MROH1: variants seen among roughly 807,000 people sequenced by gnomAD.
MROH1 encodes maestro heat like repeat family member 1, also known as maestro heat-like repeat-containing protein family member 1.
In MROH1, 117 loss-of-function variants were observed where a neutral mutation model predicts 116.5. That is an observed-to-expected ratio of 1.00 (90% confidence interval 0.86 to 1.17). The LOEUF (loss-of-function observed/expected upper bound fraction) is 1.17. Ranked by LOEUF, MROH1 falls within the 50% of genes most tolerant of loss-of-function variation. MROH1 has a pLI of 0.00. For synonymous variants in MROH1, 921 were observed against 583.9 expected (o/e 1.58, Z -8.32); for missense variants, 1,873 against 1,338.5 (o/e 1.40, Z -6.23).
chr8:144,197,848 C>A (rs11784336), intron 10 of MROH1, among the ~76,000 whole-genome samples: 1 of 149,120 alleles, frequency 6.7e-6, no homozygotes. Context: ...CCGAGGCGGG[C>A]GGATCACCTG....
intron 12 of MROH1, among the ~76,000 whole-genome samples, chr8:144,219,067 G>A (rs1836148896): frequency 6.6e-6 from 1 of 150,448 alleles, no homozygotes; most frequent in African/African-American, 2.4e-5. Flanking sequence ...CTGTCGCCCA[G>A]GCTGGAGTGC....
intron 3 of MROH1, among the ~76,000 whole-genome samples, chr8:144,166,338 C>T (rs1247490044): frequency 6.6e-6 from 1 of 152,148 alleles, no homozygotes; most frequent in Admixed American, 6.5e-5. Context: ...GTAGAGAGCA[C>T]AGATTTGCCC....
Position 144,250,282 on chromosome 8 carries a change from C to T in MROH1, c.3344C>T (p.Ala1115Val). 1 of 767,196 alleles carries T rather than the reference C, an allele frequency of 1.3e-6. No homozygotes were observed. The highest frequency in any genetic ancestry group is 2.4e-6 in the Non-Finnish European group (1 of 415,932). The allele number at this position is 767,196 out of a possible 1,614,324, so 47.5% of individuals were successfully genotyped here. ...CAGGGAGAGCACGTCCTGCCGGCCG[C>T]CCAGCACAGCGTGTACCTCCTGGCC... ...EAQGEHVLPA[A>V]QHSVYLLATQ... Residue 1115 changes from alanine to valine, a missense_variant, in exon 33 of 44, where the codon GCC becomes GTC. Ala to Val is a moderately conservative substitution (Grantham distance 64). Transcript: ENST00000326134.
At chr8:144,168,149 C>G (rs1225111672) in intron 3 of MROH1, 146 bp from the exon 4 acceptor site, 1 of 965,118 alleles carries the variant, frequency 1.0e-6, no homozygotes, top group African/African-American at 1.6e-5. Context: ...GGAGGTTATA[C>G]AAGAGAGAAA....
At chr8:144,176,616 C>T (rs377043876) in intron 4 of MROH1, among the ~76,000 whole-genome samples, 4 of 150,400 alleles carry the variant, frequency 2.7e-5, no homozygotes, top group East Asian at 3.9e-4. Context: ...CTGAGGCAAG[C>T]GGATCACAAG....
At chr8:144,205,169 C>T (rs1479278736) in intron 12 of MROH1, among the ~76,000 whole-genome samples, 3 of 152,142 alleles carry the variant, frequency 2.0e-5, no homozygotes, top group Admixed American at 2.0e-4. Flanking sequence ...GGATTACAGG[C>T]GTGAGCCATT....
intron 10 of MROH1, among the ~76,000 whole-genome samples, chr8:144,195,345 C>CA (rs1444840788): frequency 1.3e-5 from 2 of 149,228 alleles, no homozygotes; most frequent in African/African-American, 4.9e-5. Flanking sequence ...ACTAAAAATG[C>CA]AAAAAAATTA....
rs1456806731 is a variant in MROH1 at position 144,244,417 on chromosome 8, G to A, written c.2671-27G>A. 21 of 735,532 alleles carry A rather than the reference G, an allele frequency of 2.9e-5. No individual in the cohort carries two copies. The East Asian group carries it at 4.7e-4, about 16-fold the overall frequency. The allele number at this position is 735,532 out of a possible 1,614,324, so 45.6% of individuals were successfully genotyped here. On this transcript the variant is annotated intron_variant, in intron 27 of 43. Coordinates refer to ENST00000326134, the MANE Select transcript of MROH1 (RefSeq NM_032450.3). ...CTGTAGGCTGCGGGGTCACTGGTGG[G>A]GCTGGACGGCCTGGCTCTCCTTCCA... is the stretch of plus-strand genomic sequence containing the variant.
At chr8:144,230,802 C>CTTTTT (rs1161687289) in intron 14 of MROH1, among the ~76,000 whole-genome samples, 64 of 68,394 alleles carry the variant, frequency 9.4e-4, no homozygotes, top group East Asian at 1.4e-3. Flanking sequence ...AAAAGGTTTT[C>CTTTTT]TTTTTTTTTT....
intron 14 of MROH1, among the ~76,000 whole-genome samples, chr8:144,229,087 C>A (rs1036344444): frequency 6.6e-6 from 1 of 152,192 alleles, no homozygotes; most frequent in Non-Finnish European, 1.5e-5. Flanking sequence ...CGCAGCAATT[C>A]AGTTCCATCT....
chr8:144,244,236 C>T lies in MROH1; in HGVS notation c.2570C>T (p.Ala857Val), dbSNP rs1332362170. The change falls in exon 27 of 44, where the codon GCG (alanine) becomes GTG (valine). Residue 857 changes from alanine to valine, a missense_variant. Ala to Val is a moderately conservative substitution (Grantham distance 64). Coordinates refer to ENST00000326134, the MANE Select transcript of MROH1 (RefSeq NM_032450.3). ...TCTYLVSVEPALDEQARADVI... is the reference protein window; with the variant it reads ...TCTYLVSVEPVLDEQARADVI... ...TTGCCTCTCAGCTCCGTGGAGCCAG[C>T]GCTGGACGAGCAGGCCCGGGCGGAT... is the stretch of plus-strand genomic sequence containing the variant. 7.0e-6 allele frequency: 5 copies of T among 717,812 alleles called. No individual in the cohort carries two copies. Among genetic ancestry groups the T allele is most frequent in the Middle Eastern group, 2.4e-4 (1 of 4,156 alleles). 44.5% of individuals were successfully genotyped at this position (717,812 alleles called of 1,614,324 possible).
At chr8:144,211,041 CTCTTA>C (rs1833990458) in intron 12 of MROH1, among the ~76,000 whole-genome samples, 1 of 152,164 alleles carries the variant, frequency 6.6e-6, no homozygotes, top group South Asian at 2.1e-4. Flanking sequence ...TCTTCTCTTT[CTCTTA>C]TAATTTATCT....
At chr8:144,156,273 G>A (rs1197420636) in intron 1 of MROH1, among the ~76,000 whole-genome samples, 1 of 150,650 alleles carries the variant, frequency 6.6e-6, no homozygotes, top group Admixed American at 6.6e-5. Flanking sequence ...AAGTTGAGCA[G>A]GTTTCCTTCT....
chr8:144,211,385 C>T (rs1253980328), intron 12 of MROH1, among the ~76,000 whole-genome samples: 1 of 152,184 alleles, frequency 6.6e-6, no homozygotes, highest in Non-Finnish European at 1.5e-5. Context: ...CAAAGAGATA[C>T]TTGCCCCAGG....
chr8:144,213,052 T>C, intron 12 of MROH1: 1 of 779,770 alleles, frequency 1.3e-6, no homozygotes, highest in Non-Finnish European at 2.4e-6. Context: ...GACTGAAACA[T>C]GAGGACTGCC....
intron 1 of MROH1, among the ~76,000 whole-genome samples, chr8:144,153,912 C>G (rs1817440177): frequency 6.6e-6 from 1 of 151,958 alleles, no homozygotes; most frequent in South Asian, 2.1e-4. Context: ...AGGCGCCCAC[C>G]ACCACACCTG....
At chr8:144,215,715 C>A (rs910042972) in intron 12 of MROH1, among the ~76,000 whole-genome samples, 1 of 150,702 alleles carries the variant, frequency 6.6e-6, no homozygotes. Flanking sequence ...ACTAAAAATA[C>A]AATGAAAATT....
rs782034965 is a variant in MROH1 at position 144,261,702 on chromosome 8, G to A, written c.4888G>A (p.Ala1630Thr). Residue 1630 changes from alanine to threonine, a missense_variant, in exon 44 of 44, where the codon GCT becomes ACT. Transcript: ENST00000326134. ...KDPAPEVRTR[A>T]AEALGRLVKL... The stretch of plus-strand genomic sequence containing the variant: ...CCCGGCCCCCGAGGTGCGGACGAGG[G>A]CTGCTGAGGCCCTGGGCCGCCTGGT... The A allele has an allele frequency of 1.1e-3, 772 of 726,898 alleles. 2 individuals are homozygous for A. The highest frequency in any genetic ancestry group is 1.6e-3 in the Admixed American group (90 of 54,576). 45.0% of individuals were successfully genotyped at this position (726,898 alleles called of 1,614,324 possible). A position where few individuals can be genotyped will look rare whatever the true frequency, so the allele number is the denominator to read the frequency against.
chr8:144,225,918 T>G (rs1383144758), intron 14 of MROH1, among the ~76,000 whole-genome samples: 3 of 143,638 alleles, frequency 2.1e-5, no homozygotes, highest in East Asian at 4.0e-4. Context: ...TAGTTTTTTT[T>G]TTTTTTTTTT....
Sources: gnomAD v4.1 joint callset for allele counts (sites outside exome capture counted in the v4.1 genomes callset) on GRCh38, gnomAD v4.1.1 for gene constraint, MANE v1.5 for transcripts, NCBI Gene and HGNC (gene_info 2026-07-23, HGNC 2026-07-21) for gene names.